The following ZHX2 variants were observed in gnomAD, a reference collection of about 807,000 sequenced individuals.
ZHX2 encodes the protein zinc fingers and homeoboxes protein 2.
In ZHX2, 6 loss-of-function variants were observed where a neutral mutation model predicts 21.9. That is an observed-to-expected ratio of 0.27 (90% CI 0.15 to 0.54). The LOEUF (loss-of-function observed/expected upper bound fraction) is 0.54, where lower values mean the gene tolerates loss of function less well. Ranked by LOEUF, ZHX2 falls within the 20% of genes least tolerant of loss-of-function variation. ZHX2 has a pLI of 0.95. For synonymous variants in ZHX2, 434 were observed against 437.1 expected (o/e 0.99, Z 0.09); for missense variants, 908 against 1,090.7 (o/e 0.83, Z 2.36).
chr8:122,931,763 A>C (rs1178558909), intron 2 of ZHX2, among the ~76,000 whole-genome samples: 3 of 152,180 alleles, frequency 2.0e-5, no homozygotes, highest in Non-Finnish European at 4.4e-5. Context: ...TGGCCTGAGC[A>C]CCAGGATATT....
At chr8:122,950,981 C>T (rs531095747) in intron 2 of ZHX2, among the ~76,000 whole-genome samples, 12 of 152,206 alleles carry the variant, frequency 7.9e-5, no homozygotes, top group African/African-American at 9.6e-5. Flanking sequence ...ACACCATCTG[C>T]GACTCCCTCT....
chr8:122,954,845 C>CTT (rs574301760), intron 3 of ZHX2, among the ~76,000 whole-genome samples: 5 of 145,974 alleles, frequency 3.4e-5, no homozygotes, highest in African/African-American at 5.0e-5. Context: ...GAGGTTGTTT[C>CTT]TTTTTTTTTT....
intron 1 of ZHX2, among the ~76,000 whole-genome samples, chr8:122,804,955 A>C (rs11783697): frequency 0.33 from 50,832 of 151,952 alleles, 8,688 homozygotes; most frequent in African/African-American, 0.41. Context: ...ATAGCATAAA[A>C]CCAGCCCCAG....
chr8:122,788,082 T>TC (rs1167146663), intron 1 of ZHX2, among the ~76,000 whole-genome samples: 1 of 152,000 alleles, frequency 6.6e-6, no homozygotes, highest in East Asian at 1.9e-4. Flanking sequence ...TGCACAAAGC[T>TC]CCCCACATAC....
intron 3 of ZHX2, among the ~76,000 whole-genome samples, chr8:122,958,233 G>A (rs1813357291): frequency 6.6e-6 from 1 of 152,180 alleles, no homozygotes; most frequent in South Asian, 2.1e-4. Context: ...GCTCACCTCG[G>A]CCCTGAGGTT....
intron 1 of ZHX2, among the ~76,000 whole-genome samples, chr8:122,840,621 A>C (rs1265288476): frequency 1.3e-5 from 2 of 152,232 alleles, no homozygotes; most frequent in East Asian, 3.8e-4. Flanking sequence ...CCCATGCCTC[A>C]TGCTCAGTGC....
At chr8:122,961,216 G>C (rs1372576359) in intron 3 of ZHX2, among the ~76,000 whole-genome samples, 1 of 152,176 alleles carries the variant, frequency 6.6e-6, no homozygotes, top group Non-Finnish European at 1.5e-5. Flanking sequence ...TCCTCACATA[G>C]TCTTTGCTCT....
intron 2 of ZHX2, among the ~76,000 whole-genome samples, chr8:122,950,517 C>G (rs1348992827): frequency 6.6e-6 from 1 of 152,082 alleles, no homozygotes; most frequent in Non-Finnish European, 1.5e-5. Context: ...GTGCAGCAAA[C>G]CACCATGGCA....
intron 1 of ZHX2, among the ~76,000 whole-genome samples, chr8:122,841,254 A>T (rs1818618956): frequency 6.6e-6 from 1 of 152,166 alleles, no homozygotes; most frequent in Non-Finnish European, 1.5e-5. Flanking sequence ...AAGGCGCTAG[A>T]GGCCTGGGGA....
intron 2 of ZHX2, among the ~76,000 whole-genome samples, chr8:122,891,154 G>T (rs1383302796): frequency 3.3e-5 from 5 of 152,012 alleles, no homozygotes; most frequent in African/African-American, 1.2e-4. Context: ...GTAGAATTCA[G>T]CAATGAAACC....
chr8:122,868,857 T>C (rs535010885), intron 2 of ZHX2, among the ~76,000 whole-genome samples: 1 of 152,148 alleles, frequency 6.6e-6, no homozygotes, highest in East Asian at 1.9e-4. Context: ...GACCCTATAT[T>C]GGAAAAGAAG....
At chr8:122,892,917 C>T (rs1038305674) in intron 2 of ZHX2, among the ~76,000 whole-genome samples, 3 of 152,152 alleles carry the variant, frequency 2.0e-5, no homozygotes, top group Non-Finnish European at 4.4e-5. Context: ...AACTTCAGAC[C>T]TTATGATCTG....
At chr8:122,910,134 GAA>G (rs34307909) in intron 2 of ZHX2, among the ~76,000 whole-genome samples, 79 of 147,334 alleles carry the variant, frequency 5.4e-4, no homozygotes, top group East Asian at 4.0e-3. Flanking sequence ...TCAAAGTAGG[GAA>G]AAAAAAAAAA....
At chr8:122,899,829 G>A (rs1420761864) in intron 2 of ZHX2, among the ~76,000 whole-genome samples, 2 of 152,208 alleles carry the variant, frequency 1.3e-5, no homozygotes, top group African/African-American at 4.8e-5. Flanking sequence ...GGAGGGAAAA[G>A]CCAAAAATAA....
chr8:122,809,948 G>C (rs539941487), intron 1 of ZHX2, among the ~76,000 whole-genome samples: 20 of 152,214 alleles, frequency 1.3e-4, no homozygotes, highest in Admixed American at 3.3e-4. Flanking sequence ...GATTGGGTAG[G>C]GGGGGTGGAG....
At chr8:122,958,703 C>A (rs1415528716) in intron 3 of ZHX2, among the ~76,000 whole-genome samples, 1 of 152,250 alleles carries the variant, frequency 6.6e-6, no homozygotes, top group Non-Finnish European at 1.5e-5. Flanking sequence ...TGACCCCAGC[C>A]ACTATGGCCC....
intron 2 of ZHX2, among the ~76,000 whole-genome samples, chr8:122,926,854 C>A (rs1277206599): frequency 6.6e-6 from 1 of 152,182 alleles, no homozygotes; most frequent in Non-Finnish European, 1.5e-5. Flanking sequence ...GCCTTCTGCT[C>A]TTCTGTCTGG....
chr8:122,936,320 A>G (rs1394596842), intron 2 of ZHX2, among the ~76,000 whole-genome samples: 1 of 152,216 alleles, frequency 6.6e-6, no homozygotes, highest in African/African-American at 2.4e-5. Flanking sequence ...GCAGCAAGCA[A>G]TCTGCGGCTA....
At chr8:122,915,258 C>G (rs34049478) in intron 2 of ZHX2, among the ~76,000 whole-genome samples, 17,065 of 152,168 alleles carry the variant, frequency 0.11, 1,087 homozygotes, top group South Asian at 0.19. Context: ...CATGTGGATG[C>G]CTTCCCAGAG....
Sources: gnomAD v4.1 joint callset for allele counts (sites outside exome capture counted in the v4.1 genomes callset) on GRCh38, gnomAD v4.1.1 for gene constraint, MANE v1.5 for transcripts, NCBI Gene and HGNC (gene_info 2026-07-23, HGNC 2026-07-21) for gene names.